DLG2: variants seen among roughly 807,000 people sequenced by gnomAD.
DLG2 encodes the protein disks large homolog 2.
A neutral mutation model predicts 132.5 loss-of-function variants in DLG2; 45 were observed. The ratio of observed to expected loss-of-function variants is 0.34; its 90% CI spans 0.27 to 0.44. DLG2 has a LOEUF of 0.44. Among genes scored for constraint, DLG2 ranks in the 20% least tolerant of loss-of-function variants. DLG2 has a pLI of 1.00. For missense variants in DLG2, 1,045 were observed against 1,196.9 expected (o/e 0.87, Z 1.87); for synonymous variants, 424 against 419.6 (o/e 1.01, Z -0.13).
At chr11:85,301,544 A>C (rs2079585509) in intron 3 of DLG2, among the ~76,000 whole-genome samples, 1 of 152,168 alleles carries the variant, frequency 6.6e-6, no homozygotes, top group Non-Finnish European at 1.5e-5. Context: ...TCGATTATGC[A>C]GGGCTAGAAC....
rs1454143287 is a variant in DLG2, at chr11:83,456,512, AG to A, written c.*3305del. 6.5e-6 allele frequency: 1 copy of A among 152,806 alleles called. No individual in the cohort carries two copies. The highest frequency in any genetic ancestry group is 2.4e-5 in the African/African-American group (1 of 41,430). 9.5% of individuals were successfully genotyped at this position (152,806 alleles called of 1,614,324 possible). A position where few individuals can be genotyped will look rare whatever the true frequency, so the allele number is the denominator to read the frequency against. On this transcript the variant is annotated 3_prime_UTR_variant, in exon 28 of 28. Transcript: ENST00000376104. Reference sequence around the variant, plus strand: ...GATCAGAGATTTGAGGAGAGGAGAAAGGACAGAAGAGGAATAAGAAGGGCAG... The same window carrying A: ...GATCAGAGATTTGAGGAGAGGAGAAAGACAGAAGAGGAATAAGAAGGGCAG...
intron 6 of DLG2, among the ~76,000 whole-genome samples, chr11:85,074,785 T>G (rs1176169726): frequency 6.6e-6 from 1 of 151,906 alleles, no homozygotes; most frequent in East Asian, 1.9e-4. Context: ...ACCATGACTG[T>G]TACCTACTCT....
chr11:84,069,350 C>T (rs141077861), intron 10 of DLG2, among the ~76,000 whole-genome samples: 127 of 152,314 alleles, frequency 8.3e-4, no homozygotes, highest in African/African-American at 3.0e-3. Flanking sequence ...CCAAACCCAA[C>T]CCCTCTATTT....
chr11:84,888,942 C>A (rs1046715507), intron 6 of DLG2, among the ~76,000 whole-genome samples: 4 of 152,132 alleles, frequency 2.6e-5, no homozygotes, highest in African/African-American at 9.7e-5. Context: ...TGAGGTAGAT[C>A]TGGGTTTATT....
chr11:83,540,583 A>C (rs921782415), intron 20 of DLG2, among the ~76,000 whole-genome samples: 1 of 152,180 alleles, frequency 6.6e-6, no homozygotes, highest in Non-Finnish European at 1.5e-5. Flanking sequence ...GACCACAGGC[A>C]GAGAGAAGAG....
intron 8 of DLG2, among the ~76,000 whole-genome samples, chr11:84,209,468 T>C (rs978113782): frequency 4.6e-5 from 7 of 152,174 alleles, no homozygotes; most frequent in South Asian, 2.1e-4. Flanking sequence ...GTTTAGTTAA[T>C]AGTAATATAT....
chr11:85,242,963 A>C (rs12281150), intron 4 of DLG2, among the ~76,000 whole-genome samples: 14,204 of 152,008 alleles, frequency 0.093, 814 homozygotes, highest in African/African-American at 0.14. Flanking sequence ...GGGTACCAGA[A>C]GTCTGAAGTA....
chr11:84,238,676 C>A (rs1279968148), intron 8 of DLG2, among the ~76,000 whole-genome samples: 1 of 150,282 alleles, frequency 6.7e-6, no homozygotes, highest in Non-Finnish European at 1.5e-5. Flanking sequence ...TTAGCTCAAT[C>A]CAAATATTAC....
At chr11:85,575,900 G>T (rs1166152067) in intron 3 of DLG2, among the ~76,000 whole-genome samples, 1 of 151,964 alleles carries the variant, frequency 6.6e-6, no homozygotes, top group East Asian at 1.9e-4. Context: ...TTAACATCTA[G>T]AACAGCATTT....
chr11:84,956,011 T>C (rs1198757812), intron 6 of DLG2, among the ~76,000 whole-genome samples: 2 of 152,162 alleles, frequency 1.3e-5, no homozygotes, highest in African/African-American at 4.8e-5. Flanking sequence ...ACTGCATGTT[T>C]CCAGCAGAAT....
chr11:84,562,127 A>T (rs147016256), intron 6 of DLG2, among the ~76,000 whole-genome samples: 291 of 152,294 alleles, frequency 1.9e-3, no homozygotes, highest in African/African-American at 6.6e-3. Flanking sequence ...AATAGAATCA[A>T]TGACCCTTGA....
chr11:85,261,064 A>C (rs1213238568), intron 4 of DLG2, among the ~76,000 whole-genome samples: 1 of 152,176 alleles, frequency 6.6e-6, no homozygotes, highest in Non-Finnish European at 1.5e-5. Context: ...TGGTAAAAGA[A>C]TTTACTAAAA....
intron 7 of DLG2, among the ~76,000 whole-genome samples, chr11:84,333,378 A>C (rs1241139276): frequency 6.6e-6 from 1 of 152,210 alleles, no homozygotes; most frequent in Admixed American, 6.5e-5. Context: ...GACCACGTCA[A>C]CCATTGGGTT....
intron 19 of DLG2, among the ~76,000 whole-genome samples, chr11:83,549,458 C>T (rs184493878): frequency 6.6e-6 from 1 of 152,102 alleles, no homozygotes; most frequent in African/African-American, 2.4e-5. Context: ...AAAGGAAGAG[C>T]ATTTCACATA....
At chr11:83,794,911 G>A (rs2153912379) in intron 17 of DLG2, among the ~76,000 whole-genome samples, 1 of 152,272 alleles carries the variant, frequency 6.6e-6, no homozygotes, top group South Asian at 2.1e-4. Context: ...CATAAGTCAA[G>A]CTCCCTGAGA....
intron 3 of DLG2, among the ~76,000 whole-genome samples, chr11:85,494,033 G>T (rs1428951364): frequency 6.6e-6 from 1 of 152,048 alleles, no homozygotes; most frequent in African/African-American, 2.4e-5. Context: ...TATGACAGGA[G>T]AGAAAGAAGG....
intron 6 of DLG2, among the ~76,000 whole-genome samples, chr11:84,576,067 T>A (rs1488911834): frequency 6.6e-6 from 1 of 152,160 alleles, no homozygotes; most frequent in East Asian, 1.9e-4. Context: ...GTTTGAGATG[T>A]CGCTTTTTCA....
At position 84,063,282 on chromosome 11, in the gene DLG2, T is replaced by C. The variant is rs554097008; in HGVS notation, c.750-3798A>G. 5.9e-5 allele frequency among the ~76,000 whole-genome samples: 9 copies of C among 152,336 alleles called. 1 individual carries two copies. In the South Asian group the frequency reaches 1.9e-3, roughly 32 times the overall value. ...AGAATTGTCTGTAATATCCGCAGAT[T>C]AATTTTAATATTCTTTCTAGAATTT... is the stretch of plus-strand genomic sequence containing the variant. On this transcript the variant is annotated intron_variant, in intron 10 of 27. Coordinates refer to ENST00000376104, the MANE Select transcript of DLG2 (RefSeq NM_001142699.3).
At chr11:84,875,019 CAAAA>C (rs563276131) in intron 6 of DLG2, among the ~76,000 whole-genome samples, 1 of 59,898 alleles carries the variant, frequency 1.7e-5, no homozygotes, top group African/African-American at 5.2e-5. Context: ...TACTTCATCT[CAAAA>C]AAAAAAAAAA....
Sources: allele counts gnomAD v4.1 joint callset (sites outside exome capture counted in the v4.1 genomes callset), GRCh38; gene constraint gnomAD v4.1.1; transcripts MANE v1.5; gene names NCBI Gene and HGNC (gene_info 2026-07-23, HGNC 2026-07-21).